Variants in KIAA1671 observed in about 807,000 individuals in gnomAD.
The protein encoded by KIAA1671 is uncharacterized protein KIAA1671.
In KIAA1671, 52 loss-of-function variants were observed where a neutral mutation model predicts 131.2. The ratio of observed to expected loss-of-function variants is 0.40; its 90% CI spans 0.32 to 0.50. The LOEUF (loss-of-function observed/expected upper bound fraction) is 0.50, where lower values mean the gene tolerates loss of function less well. Among genes scored for constraint, KIAA1671 ranks in the 20% least tolerant of loss-of-function variants. KIAA1671 has a pLI of 0.73. For synonymous variants in KIAA1671, 1,003 were observed against 961.6 expected (o/e 1.04, Z -0.80); for missense variants, 2,360 against 2,364.2 (o/e 1.00, Z 0.04).
intron 6 of KIAA1671, among the ~76,000 whole-genome samples, chr22:25,074,514 A>AAAAAAAAAAAAAAAG (rs59411918): frequency 3.4e-5 from 4 of 117,424 alleles, no homozygotes; most frequent in African/African-American, 7.3e-5. Context: ...AAAAAAAAAA[A>AAAAAAAAAAAAAAAG]AAAGAAAGAA....
At chr22:25,043,973 G>A (rs1306386628) in intron 5 of KIAA1671, among the ~76,000 whole-genome samples, 11 of 151,808 alleles carry the variant, frequency 7.2e-5, no homozygotes, top group African/African-American at 2.7e-4. Flanking sequence ...GGCCAGTCTG[G>A]AAGTGGATGC....
chr22:25,126,049 C>A (rs1274934390), intron 6 of KIAA1671, among the ~76,000 whole-genome samples: 1 of 152,144 alleles, frequency 6.6e-6, no homozygotes, highest in Non-Finnish European at 1.5e-5. Context: ...GCACATAGTT[C>A]TTTATAAACA....
At chr22:25,167,103 C>T (rs886141329) in intron 6 of KIAA1671, among the ~76,000 whole-genome samples, 2 of 152,182 alleles carry the variant, frequency 1.3e-5, no homozygotes, top group Non-Finnish European at 2.9e-5. Flanking sequence ...AGCCCTGCGT[C>T]CCAGGGAGAA....
chr22:25,059,317 AT>A (rs1213866215), intron 6 of KIAA1671: 2 of 152,106 alleles, frequency 1.3e-5, no homozygotes, highest in African/African-American at 2.4e-5. Context: ...AAATACAAAA[AT>A]TAGCTGGGTG....
chr22:25,190,666 G>A (rs776307427), intron 11 of KIAA1671, 36 bp from the exon 12 acceptor site: 35 of 1,526,404 alleles, frequency 2.3e-5, no homozygotes, highest in South Asian at 1.2e-4. Context: ...CCACAGTCTG[G>A]TTTCAACTAG....
intron 12 of KIAA1671, 96 bp downstream of exon 12, chr22:25,190,880 T>G: frequency 3.9e-6 from 3 of 778,154 alleles, no homozygotes; most frequent in South Asian, 1.5e-5. Context: ...GGGGCTGTTG[T>G]ACCCAAGGAA....
chr22:25,192,078 A>G (rs1417040840), intron 12 of KIAA1671, among the ~76,000 whole-genome samples: 1 of 152,162 alleles, frequency 6.6e-6, no homozygotes, highest in Non-Finnish European at 1.5e-5. Context: ...TGGATAAGGG[A>G]TCGGGACCTG....
At chr22:25,125,223 T>C (rs1343576770) in intron 6 of KIAA1671, among the ~76,000 whole-genome samples, 1 of 152,238 alleles carries the variant, frequency 6.6e-6, no homozygotes, top group Non-Finnish European at 1.5e-5. Context: ...AGGCAGAGGC[T>C]ATTGTCCCAT....
At chr22:24,996,826 C>G (rs946456598) in intron 1 of KIAA1671, among the ~76,000 whole-genome samples, 1 of 152,140 alleles carries the variant, frequency 6.6e-6, no homozygotes, top group Non-Finnish European at 1.5e-5. Context: ...TAACTGTAAA[C>G]TGAGCAGACA....
chr22:25,011,371 A>T (rs1267005801), intron 1 of KIAA1671: 2 of 151,498 alleles, frequency 1.3e-5, no homozygotes, highest in Non-Finnish European at 2.9e-5. Context: ...CTGGTTTCGA[A>T]CTCCTGACCA....
At chr22:24,994,235 A>T (rs1281204297) in intron 1 of KIAA1671, among the ~76,000 whole-genome samples, 1 of 152,140 alleles carries the variant, frequency 6.6e-6, no homozygotes, top group South Asian at 2.1e-4. Flanking sequence ...CAGTCCTTCT[A>T]TTGTGAGTCA....
intron 6 of KIAA1671, among the ~76,000 whole-genome samples, chr22:25,075,022 C>T (rs1369949472): frequency 1.3e-5 from 2 of 152,160 alleles, no homozygotes; most frequent in African/African-American, 2.4e-5. Context: ...GTATACCCTT[C>T]GCCCGGTTCC....
chr22:25,118,030 C>G (rs1256951983), intron 6 of KIAA1671, among the ~76,000 whole-genome samples: 1 of 150,942 alleles, frequency 6.6e-6, no homozygotes, highest in Non-Finnish European at 1.5e-5. Context: ...CCCAGCTACT[C>G]AGGAGGCTGA....
chr22:25,130,154 T>C (rs1321701930), intron 6 of KIAA1671, among the ~76,000 whole-genome samples: 1 of 152,234 alleles, frequency 6.6e-6, no homozygotes, highest in African/African-American at 2.4e-5. Context: ...ATATTATAAA[T>C]AAATACATAA....
At chr22:24,979,537 G>T (rs1218299263) in intron 1 of KIAA1671, among the ~76,000 whole-genome samples, 1 of 151,032 alleles carries the variant, frequency 6.6e-6, no homozygotes, top group African/African-American at 2.4e-5. Flanking sequence ...TTTTAGTAGA[G>T]ACAGGGTTTC....
chr22:25,041,489 C>T lies in KIAA1671; in HGVS notation c.4359C>T (p.Pro1453=). The change falls in exon 5 of 13, where the codon CCC becomes CCT. Residue 1453 remains proline, a synonymous_variant. Transcript: ENST00000358431. ...TGENLEAKMG[P]CWWESGTGDS... is the part of the protein sequence containing the mutation. The stretch of plus-strand genomic sequence containing the variant: ...AGAATTTGGAGGCCAAAATGGGACC[C>T]TGTTGGTGGGAGTCAGGGACTGGAG... 1 of 1,550,484 alleles carries T rather than the reference C, an allele frequency of 6.4e-7. No homozygotes were observed. The highest frequency in any genetic ancestry group is 8.7e-7 in the Non-Finnish European group (1 of 1,146,654).
At chr22:25,136,936 A>G (rs979630937) in intron 6 of KIAA1671, among the ~76,000 whole-genome samples, 1 of 152,234 alleles carries the variant, frequency 6.6e-6, no homozygotes, top group Non-Finnish European at 1.5e-5. Context: ...TACTTCAGGC[A>G]TTAGGAAATG....
chr22:25,038,423 A>C (rs1926731048), intron 4 of KIAA1671, among the ~76,000 whole-genome samples: 1 of 152,242 alleles, frequency 6.6e-6, no homozygotes, highest in South Asian at 2.1e-4. Flanking sequence ...TTTTGCTTGC[A>C]CCAACGGTGC....
chr22:25,152,441 A>G (rs1601361344), intron 6 of KIAA1671, among the ~76,000 whole-genome samples: 1 of 81,980 alleles, frequency 1.2e-5, no homozygotes. Context: ...ACACAAACAC[A>G]ATGCATGCAG....
Sources: gnomAD v4.1 joint callset for allele counts (sites outside exome capture counted in the v4.1 genomes callset) on GRCh38, gnomAD v4.1.1 for gene constraint, MANE v1.5 for transcripts, NCBI Gene and HGNC (gene_info 2026-07-23, HGNC 2026-07-21) for gene names.